SLC39A14: variants seen among roughly 807,000 people sequenced by gnomAD.
The protein encoded by SLC39A14 is metal cation symporter ZIP14.
SLC39A14 carries 19 observed loss-of-function variants against 45.5 expected under a neutral mutation model. That is an observed-to-expected ratio of 0.42 (90% confidence interval 0.29 to 0.61). The LOEUF is 0.61. SLC39A14 is among the 20% of genes least tolerant of loss of function. The probability of loss-of-function intolerance (pLI) is 0.22; values close to 1 mark genes in which losing one functional copy is unlikely to be tolerated. For missense variants in SLC39A14, 447 were observed against 616.5 expected, an observed-to-expected ratio of 0.73 and a Z score of 2.91; for synonymous variants, 264 against 251.3, an observed-to-expected ratio of 1.05 and a Z score of -0.48.
At chr8:22,431,033 G>A (rs1162845146) in intron 8 of SLC39A14, among the ~76,000 whole-genome samples, 1 of 150,742 alleles carries the variant, frequency 6.6e-6, no homozygotes, top group Non-Finnish European at 1.5e-5. Context: ...TGTTGCCCAG[G>A]CTGGAGTGCA....
rs1836506998 is a variant in SLC39A14 at position 22,433,974 on chromosome 8, A to AT, written c.1418dup (p.Leu473PhefsTer9). On this transcript the variant is annotated frameshift_variant, in exon 9 of 9. Transcript: ENST00000240095. LOFTEE classifies it high-confidence loss of function. ...AACCTCTGCCGCTTGGGTTGAAGCGATTATCCTGTCTAAGCCTCCCGAGTA... is the reference window on the plus strand; with the variant it reads ...AACCTCTGCCGCTTGGGTTGAAGCGATTTATCCTGTCTAAGCCTCCCGAGTA... 2.3e-6 allele frequency: 1 copy of AT among 435,414 alleles called. No homozygotes were observed. 27.0% of individuals were successfully genotyped at this position (435,414 alleles called of 1,614,324 possible).
chr8:22,432,733 CG>C (rs1342323538), intron 8 of SLC39A14, among the ~76,000 whole-genome samples: 1 of 150,114 alleles, frequency 6.7e-6, no homozygotes, highest in East Asian at 1.9e-4. Context: ...CTGCAACCTC[CG>C]GCTCCCAGGT....
Position 22,415,750 on chromosome 8 carries a change from C to T in SLC39A14, c.751-19C>T, listed in dbSNP as rs1835835256. Reference sequence around the variant, plus strand: ...GTTTTGGTGAATGTCATGCTGATCCCTCCCTGTCACCCTTCCAGCATCATC... The same window carrying T: ...GTTTTGGTGAATGTCATGCTGATCCTTCCCTGTCACCCTTCCAGCATCATC... On this transcript the variant is annotated intron_variant, in intron 5 of 8. Transcript: ENST00000381237. The T allele has an allele frequency of 6.2e-7, 1 of 1,603,266 alleles. No individual in the cohort carries two copies. The highest frequency in any genetic ancestry group is 8.5e-7 in the Non-Finnish European group (1 of 1,177,266).
At chr8:22,379,975 A>G (rs1251894076) in intron 1 of SLC39A14, among the ~76,000 whole-genome samples, 1 of 152,042 alleles carries the variant, frequency 6.6e-6, no homozygotes, top group Non-Finnish European at 1.5e-5. Flanking sequence ...CACTAACAAT[A>G]TAATGGTTAA....
rs1836289001 is a variant in SLC39A14, at chr8:22,422,554, T to A, written c.*2856T>A. The A allele has an allele frequency of 2.0e-6, 2 of 985,270 alleles. No homozygotes were observed. The highest frequency in any genetic ancestry group is 1.2e-4 in the Admixed American group (2 of 16,260). The allele number at this position is 985,270 out of a possible 1,614,324, so 61.0% of individuals were successfully genotyped here. On this transcript the variant is annotated 3_prime_UTR_variant, in exon 9 of 9. Coordinates refer to ENST00000381237, the MANE Select transcript of SLC39A14 (RefSeq NM_001128431.4). ...TTATTTCCCTTTACAGTTCTGCAGT[T>A]CCATCACAGTATTTTTTTAAATAAC...
chr8:22,417,667 G>T lies in SLC39A14; in HGVS notation c.1164G>T (p.Leu388=), dbSNP rs1282893820. The change falls in exon 8 of 9, where the codon CTG becomes CTT. Residue 388 remains leucine (L), a synonymous_variant. Transcript: ENST00000381237. ...CTGCTGTAGGAGACTTTGTCATCCT[G>T]CTCAACGCTGGGATGAGCATCCAAC... ...FPHELGDFVI[L]LNAGMSIQQA... 6.2e-7 allele frequency: 1 copy of T among 1,613,668 alleles called. No homozygotes were observed. The highest frequency in any genetic ancestry group is 1.1e-5 in the South Asian group (1 of 91,012).
chr8:22,417,111 C>G (rs183623452), intron 7 of SLC39A14, among the ~76,000 whole-genome samples: 1 of 152,318 alleles, frequency 6.6e-6, no homozygotes, highest in East Asian at 1.9e-4. Flanking sequence ...GACGTAGGGT[C>G]AAGTTCTGGC....
At chr8:22,425,954 C>G (rs1486949403), downstream of SLC39A14, among the ~76,000 whole-genome samples, 2 of 143,842 alleles carry the variant, frequency 1.4e-5, no homozygotes, top group South Asian at 4.5e-4. Context: ...CACAATGGTG[C>G]GATCTCGGCT....
Position 22,396,518 on chromosome 8 carries a change from AG to A in SLC39A14, c.-15-8177del, listed in dbSNP as rs1377147525. Among the ~76,000 whole-genome samples the A allele has an allele frequency of 3.7e-3, 5 of 1,350 alleles. 2 individuals are homozygous for A. The highest frequency in any genetic ancestry group is 0.016 in the Admixed American group (4 of 256). The allele number at this position is 1,350 out of a possible 152,430, so 0.9% of individuals were successfully genotyped here. A position where few individuals can be genotyped will look rare whatever the true frequency, so the allele number is the denominator to read the frequency against. On this transcript the variant is annotated intron_variant, in intron 1 of 8. Coordinates refer to ENST00000381237, the MANE Select transcript of SLC39A14 (RefSeq NM_001128431.4). ...GAGAGAGAGGGAGAGAGAGAGAGAGAGAGAGAGAGAGAGAGGGGGGGGAGAG... is the reference window on the plus strand; with the variant it reads ...GAGAGAGAGGGAGAGAGAGAGAGAGAAGAGAGAGAGAGAGGGGGGGGAGAG...
chr8:22,415,621 A>G (rs977127382), intron 5 of SLC39A14, 148 bp from the exon 6 acceptor site: 21 of 675,384 alleles, frequency 3.1e-5, no homozygotes, highest in East Asian at 8.8e-5. Context: ...AGCTTTTGCT[A>G]TGTTTCTGGG....
In SLC39A14 at chr8:22,421,072, G is replaced by T; in HGVS notation, c.*1374G>T. 5 of 985,826 alleles carry T rather than the reference G, an allele frequency of 5.1e-6. No homozygotes were observed. The highest frequency in any genetic ancestry group is 6.0e-6 in the Non-Finnish European group (5 of 829,928). The allele number at this position is 985,826 out of a possible 1,614,324, so 61.1% of individuals were successfully genotyped here. On this transcript the variant is annotated 3_prime_UTR_variant, in exon 9 of 9. Coordinates refer to ENST00000381237, the MANE Select transcript of SLC39A14 (RefSeq NM_001128431.4). ...CTTCTCCAGGTTCACTAGGTGAATT[G>T]ATTTATTATTATCATATTGATAATG...
intron 3 of SLC39A14, among the ~76,000 whole-genome samples, chr8:22,408,728 G>A (rs921631877): frequency 3.9e-5 from 6 of 152,118 alleles, no homozygotes; most frequent in Non-Finnish European, 5.9e-5. Context: ...TGTTCAGAGC[G>A]TTGGACTTCT....
At chr8:22,432,821 T>A (rs1305441209) in intron 8 of SLC39A14, among the ~76,000 whole-genome samples, 1 of 148,914 alleles carries the variant, frequency 6.7e-6, no homozygotes, top group African/African-American at 2.5e-5. Context: ...CTATTTTGTT[T>A]TTTTTTTTTT....
chr8:22,369,807 C>T (rs1453443965), intron 1 of SLC39A14, among the ~76,000 whole-genome samples: 1 of 152,092 alleles, frequency 6.6e-6, no homozygotes, highest in African/African-American at 2.4e-5. Context: ...TCATTCTCAT[C>T]GTCATAATTT....
At chr8:22,397,040 T>C (rs887719499) in intron 1 of SLC39A14, among the ~76,000 whole-genome samples, 1 of 152,200 alleles carries the variant, frequency 6.6e-6, no homozygotes, top group Non-Finnish European at 1.5e-5. Flanking sequence ...ATTTCATTTT[T>C]TCATCTTAAG....
intron 1 of SLC39A14, among the ~76,000 whole-genome samples, chr8:22,380,686 T>A (rs969727851): frequency 7.3e-5 from 11 of 151,686 alleles, no homozygotes; most frequent in Non-Finnish European, 4.4e-5. Context: ...TTTTTTTTTT[T>A]AACCCCCAGA....
Position 22,412,082 on chromosome 8 carries a change from C to G in SLC39A14, c.503C>G (p.Ser168Cys). Residue 168 changes from serine (S) to cysteine (C), a missense_variant, in exon 4 of 9, where the codon TCC (serine) becomes TGC (cysteine). Around this residue, in one of 2 missense-constraint regions of SLC39A14, gnomAD observed 342 missense variants for 428.1 expected, o/e 0.80. Transcript: ENST00000381237. ...LLCVTVISLC[S>C]LLGASVVPFM... ...TGTGTGACCGTCATCTCCCTCTGCT[C>G]CCTCCTGGGGGCCAGCGTGGTGCCC... 1 of 1,551,682 alleles carries G rather than the reference C, an allele frequency of 6.4e-7. No individual in the cohort carries two copies. The highest frequency in any genetic ancestry group is 8.7e-7 in the Non-Finnish European group (1 of 1,147,022).
intron 1 of SLC39A14, among the ~76,000 whole-genome samples, chr8:22,380,176 G>A (rs968599837): frequency 1.3e-5 from 2 of 152,072 alleles, no homozygotes; most frequent in Non-Finnish European, 2.9e-5. Context: ...AGGCGGAGAG[G>A]GTGTCTTGGA....
At chr8:22,373,472 C>G (rs1833041714) in intron 1 of SLC39A14, among the ~76,000 whole-genome samples, 1 of 152,074 alleles carries the variant, frequency 6.6e-6, no homozygotes, top group African/African-American at 2.4e-5. Context: ...GAGCTAATCT[C>G]TGAGACCACC....
Sources: gnomAD v4.1 joint callset for allele counts (sites outside exome capture counted in the v4.1 genomes callset) on GRCh38, gnomAD v4.1.1 for gene constraint, gnomAD v4.1.1 regional missense constraint, MANE v1.5 for transcripts, NCBI Gene and HGNC (gene_info 2026-07-23, HGNC 2026-07-21) for gene names.